Variants in NTNG1 observed in about 807,000 individuals in gnomAD.
The protein encoded by NTNG1 is netrin-G1.
A neutral mutation model predicts 54.0 loss-of-function variants in NTNG1; 16 were observed. That is an observed-to-expected ratio of 0.30 (90% confidence interval 0.20 to 0.45). The LOEUF is 0.45. NTNG1 is among the 20% of genes least tolerant of loss of function. The probability of loss-of-function intolerance (pLI) is 1.00; values close to 1 mark genes in which losing one functional copy is unlikely to be tolerated. For synonymous variants in NTNG1, 255 were observed against 263.1 expected (o/e 0.97, Z 0.30); for missense variants, 530 against 678.7 (o/e 0.78, Z 2.43).
chr1:107,474,962 T>G (rs1157170997), intron 7 of NTNG1, among the ~76,000 whole-genome samples: 1 of 152,186 alleles, frequency 6.6e-6, no homozygotes, highest in East Asian at 1.9e-4. Context: ...GAAATGACAG[T>G]GTAAATGCAG....
chr1:107,406,436 C>A (rs548421340), intron 4 of NTNG1, among the ~76,000 whole-genome samples: 2 of 152,228 alleles, frequency 1.3e-5, no homozygotes, highest in Non-Finnish European at 2.9e-5. Context: ...TATGGATTAT[C>A]TCATTCGATC....
intron 2 of NTNG1, among the ~76,000 whole-genome samples, chr1:107,281,760 T>A (rs1299110258): frequency 6.6e-6 from 1 of 152,152 alleles, no homozygotes; most frequent in African/African-American, 2.4e-5. Context: ...ATTTGCTAAC[T>A]GTCCATGACA....
chr1:107,149,011 A>G (rs1048575602), intron 2 of NTNG1, among the ~76,000 whole-genome samples, 172 bp downstream of exon 2: 1 of 152,144 alleles, frequency 6.6e-6, no homozygotes, highest in Non-Finnish European at 1.5e-5. Flanking sequence ...GCCTGGAGTT[A>G]CAATTTGTGC....
intron 1 of NTNG1, chr1:107,143,127 GA>G (rs1653850066): frequency 6.6e-6 from 1 of 152,096 alleles, no homozygotes; most frequent in Non-Finnish European, 1.5e-5. Context: ...AGACCACCAT[GA>G]AGGCATTCAG....
intron 2 of NTNG1, among the ~76,000 whole-genome samples, chr1:107,268,821 A>G (rs568798154): frequency 6.6e-6 from 1 of 152,230 alleles, no homozygotes; most frequent in South Asian, 2.1e-4. Context: ...TAGGCCTAAA[A>G]TCTTGTAGTT....
intron 7 of NTNG1, among the ~76,000 whole-genome samples, chr1:107,442,582 A>G (rs1676033821): frequency 6.6e-6 from 1 of 152,064 alleles, no homozygotes; most frequent in Admixed American, 6.6e-5. Flanking sequence ...AAATGACAAA[A>G]ATGTAAAGAT....
At chr1:107,170,722 A>G (rs1186086136) in intron 2 of NTNG1, among the ~76,000 whole-genome samples, 1 of 152,116 alleles carries the variant, frequency 6.6e-6, no homozygotes, top group Non-Finnish European at 1.5e-5. Flanking sequence ...AGGGGGAAAA[A>G]AAAGAATAAA....
Position 107,314,682 on chromosome 1 carries a change from G to A in NTNG1, c.247-9600G>A, listed in dbSNP as rs138956986. On this transcript the variant is annotated intron_variant, in intron 2 of 7. Transcript: ENST00000370068. ...ATATGATCTGCAGCCTGGCCTCTCC[G>A]CTGAGGTCTAAACGCACATTTACTT... 2.8e-3 allele frequency among the ~76,000 whole-genome samples: 420 copies of A among 152,152 alleles called. 2 individuals are homozygous for A. The highest frequency in any genetic ancestry group is 9.7e-3 in the African/African-American group (404 of 41,508).
chr1:107,168,451 C>G (rs1337097146), intron 2 of NTNG1, among the ~76,000 whole-genome samples: 3 of 151,992 alleles, frequency 2.0e-5, no homozygotes, highest in African/African-American at 7.2e-5. Context: ...ATTTCTCTCT[C>G]TCAGTAGAAA....
chr1:107,150,843 T>C (rs1654515820), intron 2 of NTNG1, among the ~76,000 whole-genome samples: 1 of 152,220 alleles, frequency 6.6e-6, no homozygotes, highest in Non-Finnish European at 1.5e-5. Flanking sequence ...GTCTAAGGTA[T>C]TTAAACAAGT....
intron 1 of NTNG1, among the ~76,000 whole-genome samples, chr1:107,142,468 G>A (rs1174772254): frequency 6.6e-6 from 1 of 151,758 alleles, no homozygotes; most frequent in Non-Finnish European, 1.5e-5. Context: ...GTGAGTAGAC[G>A]GTCCTCCTCT....
At chr1:107,238,971 A>G (rs757545794) in intron 2 of NTNG1, among the ~76,000 whole-genome samples, 1 of 152,196 alleles carries the variant, frequency 6.6e-6, no homozygotes, top group Non-Finnish European at 1.5e-5. Flanking sequence ...AGGCGAAGAC[A>G]AACTGTTATC....
At chr1:107,314,208 T>C (rs1414611253) in intron 2 of NTNG1, among the ~76,000 whole-genome samples, 1 of 151,928 alleles carries the variant, frequency 6.6e-6, no homozygotes, top group Non-Finnish European at 1.5e-5. Context: ...ATCGAGACCA[T>C]CCTGGCCAAC....
intron 2 of NTNG1, among the ~76,000 whole-genome samples, chr1:107,165,776 A>C (rs1181802175): frequency 6.6e-6 from 1 of 151,996 alleles, no homozygotes; most frequent in South Asian, 2.1e-4. Context: ...CATTTTTCTT[A>C]TTTCCAGTGA....
chr1:107,226,536 C>G (rs1261264517), intron 2 of NTNG1, among the ~76,000 whole-genome samples: 1 of 152,160 alleles, frequency 6.6e-6, no homozygotes, highest in African/African-American at 2.4e-5. Flanking sequence ...AGCAGGCATG[C>G]ATATGGGAGT....
chr1:107,330,311 AC>A (rs1283066963), intron 3 of NTNG1, among the ~76,000 whole-genome samples: 1 of 152,136 alleles, frequency 6.6e-6, no homozygotes, highest in Non-Finnish European at 1.5e-5. Context: ...TTAATTGACT[AC>A]AAGTGAGGAA....
intron 2 of NTNG1, among the ~76,000 whole-genome samples, chr1:107,239,472 A>G (rs150610411): frequency 3.3e-5 from 5 of 152,348 alleles, no homozygotes; most frequent in Non-Finnish European, 2.9e-5. Context: ...GATTAAGCCT[A>G]CTGGACATTC....
intron 3 of NTNG1, among the ~76,000 whole-genome samples, chr1:107,365,297 C>T (rs1349155522): frequency 1.3e-5 from 2 of 152,098 alleles, no homozygotes; most frequent in African/African-American, 2.4e-5. Flanking sequence ...ATAACTCCAG[C>T]CTGTATTAGG....
chr1:107,448,517 A>G (rs1558007600), intron 7 of NTNG1, among the ~76,000 whole-genome samples: 1 of 152,114 alleles, frequency 6.6e-6, no homozygotes, highest in Non-Finnish European at 1.5e-5. Context: ...ACCCACCTGC[A>G]GACTTACTGA....
Sources: allele counts gnomAD v4.1 joint callset (sites outside exome capture counted in the v4.1 genomes callset), GRCh38; gene constraint gnomAD v4.1.1; transcripts MANE v1.5; gene names NCBI Gene and HGNC (gene_info 2026-07-23, HGNC 2026-07-21).